The following SETMAR variants were observed in gnomAD, a reference collection of about 807,000 sequenced individuals.
SETMAR encodes histone-lysine N-methyltransferase SETMAR.
In SETMAR, 44 loss-of-function variants were observed where a neutral mutation model predicts 58.4. That is an observed-to-expected ratio of 0.75 (90% CI 0.59 to 0.97). The LOEUF (loss-of-function observed/expected upper bound fraction) is 0.97. Ranked by LOEUF, SETMAR falls within the 50% of genes least tolerant of loss-of-function variation. The pLI is 0.00. For synonymous variants in SETMAR, 332 were observed against 307.4 expected (o/e 1.08, Z -0.84); for missense variants, 903 against 840.2 (o/e 1.07, Z -0.92).
rs1049202297 is a variant in SETMAR, at chr3:4,313,500, G to C, written c.759G>C (p.Val253=). 51 of 1,613,754 alleles carry C rather than the reference G, an allele frequency of 3.2e-5. No homozygotes were observed. The highest frequency in any genetic ancestry group is 3.9e-5 in the Non-Finnish European group (46 of 1,179,944). ...CACTTTTTGCAGCCAAAGATATTGT[G>C]CCAGAAGAAGAACTCTCTTATGATT... ...KLALFAAKDI[V]PEEELSYDYS... The change falls in exon 2 of 3, where the codon GTG becomes GTC. Residue 253 remains valine, a synonymous_variant. Coordinates refer to ENST00000358065, the MANE Select transcript of SETMAR (RefSeq NM_006515.4).
intron 1 of SETMAR, among the ~76,000 whole-genome samples, chr3:4,308,742 T>A (rs530134173): frequency 1.1e-3 from 162 of 152,354 alleles, no homozygotes; most frequent in South Asian, 2.3e-3. Flanking sequence ...CACAGAGTTT[T>A]CCTGCCTGGT....
At position 4,316,640 on chromosome 3, in the gene SETMAR, C is replaced by G. The variant is rs533632219; in HGVS notation, c.1449C>G (p.Asn483Lys). ...FEVSSSLILR[N>K]HNEPFLDRIV... ...TGTCATCTTCTCTTATTCTACGCAA[C>G]CACAACGAACCATTTCTCGATCGGA... The change falls in exon 3 of 3, where the codon AAC (asparagine) becomes AAG (lysine). Residue 483 changes from asparagine (N) to lysine (K), a missense_variant. Physicochemically the swap from Asn to Lys is moderately conservative, Grantham distance 94. Coordinates refer to ENST00000358065, the MANE Select transcript of SETMAR (RefSeq NM_006515.4). 2.6e-6 allele frequency: 4 copies of G among 1,551,086 alleles called. No individual in the cohort carries two copies. The highest frequency in any genetic ancestry group is 3.5e-6 in the Non-Finnish European group (4 of 1,146,756).
intron 1 of SETMAR, chr3:4,303,747 C>A (rs575280069): frequency 6.7e-7 from 1 of 1,484,116 alleles, no homozygotes; most frequent in Non-Finnish European, 9.1e-7. Context: ...CAGTCCATTC[C>A]CTGAAGCGCA....
intron 1 of SETMAR, among the ~76,000 whole-genome samples, chr3:4,311,054 T>A (rs1559216090): frequency 6.6e-6 from 1 of 152,206 alleles, no homozygotes; most frequent in Non-Finnish European, 1.5e-5. Context: ...CCTGCTAAGC[T>A]AAAGCTGTAA....
At position 4,316,781 on chromosome 3, in the gene SETMAR, G is replaced by A; in HGVS notation, c.1590G>A (p.Lys530=). ...HFPKPILHPK[K]VMVTIWWSAA... ...CAAAGCCAATCTTGCACCCAAAAAA[G>A]GTCATGGTCACTATTTGGTGGTCTG... The change falls in exon 3 of 3, where the codon AAG becomes AAA. Residue 530 remains lysine (K), a synonymous_variant. Transcript: ENST00000358065. 6.4e-7 allele frequency: 1 copy of A among 1,550,690 alleles called. No individual in the cohort carries two copies. Among genetic ancestry groups the A allele is most frequent in the Middle Eastern group, 1.7e-4 (1 of 5,976 alleles).
chr3:4,313,230 G>T lies in SETMAR; in HGVS notation c.489G>T (p.Arg163Ser). ...LRTLEFIPKG[R>S]FVCEYAGEVL... is the part of the protein sequence containing the mutation. ...CCTTGGAATTTATACCGAAAGGAAG[G>T]TTTGTCTGTGAATATGCTGGTGAGG... The change falls in exon 2 of 3, where the codon AGG becomes AGT. Residue 163 changes from arginine (R) to serine (S), a missense_variant. Transcript: ENST00000358065. The T allele has an allele frequency of 6.2e-7, 1 of 1,613,874 alleles. No individual in the cohort carries two copies. Among genetic ancestry groups the T allele is most frequent in the Non-Finnish European group, 8.5e-7 (1 of 1,179,972 alleles).
chr3:4,305,399 A>C (rs192948730), intron 1 of SETMAR, among the ~76,000 whole-genome samples: 22 of 152,262 alleles, frequency 1.4e-4, no homozygotes, highest in Admixed American at 3.3e-4. Flanking sequence ...TAGAGACCCA[A>C]GTTTTAATTG....
At chr3:4,313,991 T>A in intron 2 of SETMAR, 1 of 751,824 alleles carries the variant, frequency 1.3e-6, no homozygotes. Flanking sequence ...GTGACTGTTC[T>A]AGTTAATAGG....
chr3:4,304,370 A>C (rs1382377984), intron 1 of SETMAR, among the ~76,000 whole-genome samples: 1 of 151,830 alleles, frequency 6.6e-6, no homozygotes, highest in Non-Finnish European at 1.5e-5. Context: ...TCGAACTCCC[A>C]ACCTCAGGTG....
chr3:4,303,722 G>T, intron 1 of SETMAR, 196 bp downstream of exon 1: 1 of 1,502,824 alleles, frequency 6.7e-7, no homozygotes, highest in South Asian at 1.2e-5. Context: ...ACCTTAGCAA[G>T]GGTGTTGTCC....
intron 1 of SETMAR, among the ~76,000 whole-genome samples, chr3:4,311,732 A>C (rs912901620): frequency 1.3e-5 from 2 of 152,144 alleles, no homozygotes; most frequent in African/African-American, 4.8e-5. Flanking sequence ...TGTTTGTTCT[A>C]TTTCCCTTTC....
chr3:4,316,605 C>G lies in SETMAR; in HGVS notation c.1414C>G (p.Arg472Gly). The G allele has an allele frequency of 6.4e-7, 1 of 1,551,240 alleles. No individual in the cohort carries two copies. The highest frequency in any genetic ancestry group is 1.2e-5 in the South Asian group (1 of 84,050). The part of the protein sequence containing the change: ...HELTENQKNR[R>G]FEVSSSLILR... ...GCTGACTGAAAATCAAAAAAATCGT[C>G]GTTTTGAAGTGTCATCTTCTCTTAT... The change falls in exon 3 of 3, where the codon CGT becomes GGT. Residue 472 changes from arginine (R) to glycine (G), a missense_variant. Coordinates refer to ENST00000358065, the MANE Select transcript of SETMAR (RefSeq NM_006515.4).
Position 4,316,806 on chromosome 3 carries a change from G to T in SETMAR, c.1615G>T (p.Ala539Ser), listed in dbSNP as rs968130346. Residue 539 changes from alanine to serine, a missense_variant, in exon 3 of 3, where the codon GCT becomes TCT. Coordinates refer to ENST00000358065, the MANE Select transcript of SETMAR (RefSeq NM_006515.4). ...GGTCATGGTCACTATTTGGTGGTCT[G>T]CTGCTGGTCTGATCCACTACAGCTT... ...KKVMVTIWWS[A>S]AGLIHYSFLN... 1.9e-6 allele frequency: 3 copies of T among 1,550,670 alleles called. No individual in the cohort carries two copies. The highest frequency in any genetic ancestry group is 2.6e-6 in the Non-Finnish European group (3 of 1,146,734).
rs1302303808 is a variant in SETMAR, at chr3:4,313,681, AGTT to A, written c.943_945del (p.Cys315del). ...CTGCCCCGTAGAAAAGTCGAACATCAGTTGTGGAAATGAGAAGGAACCCAGCAT... is the reference window on the plus strand; with the variant it reads ...CTGCCCCGTAGAAAAGTCGAACATCAGTGGAAATGAGAAGGAACCCAGCAT... On this transcript the variant is annotated inframe_deletion, in exon 2 of 3. Coordinates refer to ENST00000358065, the MANE Select transcript of SETMAR (RefSeq NM_006515.4). 2 of 1,613,978 alleles carry A rather than the reference AGTT, an allele frequency of 1.2e-6. No homozygotes were observed. The highest frequency in any genetic ancestry group is 2.2e-5 in the South Asian group (2 of 91,070).
At chr3:4,303,744 T>C in intron 1 of SETMAR, 1 of 1,472,134 alleles carries the variant, frequency 6.8e-7, no homozygotes, top group African/African-American at 1.4e-5. Context: ...TTTCAGTCCA[T>C]TCCCTGAAGC....
intron 1 of SETMAR, among the ~76,000 whole-genome samples, chr3:4,305,722 C>T (rs1413746993): frequency 6.6e-6 from 1 of 152,104 alleles, no homozygotes; most frequent in Non-Finnish European, 1.5e-5. Flanking sequence ...ATTAAAACTC[C>T]TCTGATGAGA....
In SETMAR at chr3:4,313,412, A is replaced by G. The variant is rs768446218; in HGVS notation, c.671A>G (p.His224Arg). The change falls in exon 2 of 3, where the codon CAT (histidine) becomes CGT (arginine). Residue 224 changes from histidine (H) to arginine (R), a missense_variant. Coordinates refer to ENST00000358065, the MANE Select transcript of SETMAR (RefSeq NM_006515.4). ...GGAAATATTGGAAGATTCCTTAATC[A>G]TTCTTGTGAGCCAAACCTTTTGATG... Reference protein sequence around the residue: ...YIGNIGRFLNHSCEPNLLMIP... With the variant: ...YIGNIGRFLNRSCEPNLLMIP... 6.2e-7 allele frequency: 1 copy of G among 1,614,064 alleles called. No individual in the cohort carries two copies. Among genetic ancestry groups the G allele is most frequent in the South Asian group, 1.1e-5 (1 of 91,082 alleles).
chr3:4,313,654 T>C lies in SETMAR; in HGVS notation c.913T>C (p.Tyr305His). 1 of 1,614,060 alleles carries C rather than the reference T, an allele frequency of 6.2e-7. No individual in the cohort carries two copies. Among genetic ancestry groups the C allele is most frequent in the South Asian group, 1.1e-5 (1 of 91,078 alleles). The change falls in exon 2 of 3, where the codon TAC (tyrosine) becomes CAC (histidine). Residue 305 changes from tyrosine (Y) to histidine (H), a missense_variant. Tyr to His is a moderately conservative substitution (Grantham distance 83). Coordinates refer to ENST00000358065, the MANE Select transcript of SETMAR (RefSeq NM_006515.4). Reference protein sequence around the residue: ...TAFLPFDSSLYCPVEKSNISC... With the variant: ...TAFLPFDSSLHCPVEKSNISC... ...TTTCCTGCCTTTTGACAGTTCTCTGTACTGCCCCGTAGAAAAGTCGAACAT... is the reference window on the plus strand; with the variant it reads ...TTTCCTGCCTTTTGACAGTTCTCTGCACTGCCCCGTAGAAAAGTCGAACAT...
chr3:4,314,724 G>C (rs1271776856), intron 2 of SETMAR, among the ~76,000 whole-genome samples: 1 of 152,166 alleles, frequency 6.6e-6, no homozygotes, highest in East Asian at 1.9e-4. Flanking sequence ...TAAACTTCTA[G>C]AGCAGCAAAC....
Sources: allele counts gnomAD v4.1 joint callset (sites outside exome capture counted in the v4.1 genomes callset), GRCh38; gene constraint gnomAD v4.1.1; transcripts MANE v1.5; gene names NCBI Gene and HGNC (gene_info 2026-07-23, HGNC 2026-07-21).